PHTF2: variants seen among roughly 807,000 people sequenced by gnomAD.
The protein encoded by PHTF2 is putative homeodomain transcription factor 2, also known as protein PHTF2.
Under a neutral mutation model 101.2 loss-of-function variants are expected in PHTF2, and 60 were observed. The observed-to-expected ratio is 0.59, with a 90% CI of 0.48 to 0.73. PHTF2 has a LOEUF of 0.73. Ranked by LOEUF, PHTF2 falls within the 30% of genes least tolerant of loss-of-function variation. The probability of loss-of-function intolerance (pLI) is 0.00; values close to 1 mark genes in which losing one functional copy is unlikely to be tolerated. For missense variants in PHTF2, 747 were observed against 908.7 expected (o/e 0.82, Z 2.29); for synonymous variants, 311 against 307.3 (o/e 1.01, Z -0.13).
chr7:77,912,844 C>T (rs780616407), intron 9 of PHTF2, among the ~76,000 whole-genome samples: 2 of 148,914 alleles, frequency 1.3e-5, no homozygotes, highest in Non-Finnish European at 3.0e-5. Context: ...GTGATTCTCC[C>T]ACTTCAGACT....
rs77224080 is a variant in PHTF2, at chr7:77,818,985, C to T, written c.-36+20014C>T. On this transcript the variant is annotated intron_variant, in intron 1 of 19. Transcript: ENST00000416283. ...TTGTTTAAATTTATTCCTAGGTATTCTTTTGTTGTTGCTGTAGTAAATAAG... is the reference window on the plus strand; with the variant it reads ...TTGTTTAAATTTATTCCTAGGTATTTTTTTGTTGTTGCTGTAGTAAATAAG... Among the ~76,000 whole-genome samples, 524 of 152,042 alleles carry T rather than the reference C, an allele frequency of 3.4e-3. 3 individuals are homozygous for T. Among genetic ancestry groups the T allele is most frequent in the African/African-American group, 0.012 (501 of 41,486 alleles).
intron 13 of PHTF2, 69 bp downstream of exon 12, chr7:77,937,907 G>T (rs1805290732): frequency 1.4e-6 from 1 of 717,464 alleles, no homozygotes; most frequent in Non-Finnish European, 2.0e-6. Context: ...GATAATTACT[G>T]GAATATTATA....
At chr7:77,867,746 T>C (rs773385818) in intron 3 of PHTF2, among the ~76,000 whole-genome samples, 9 of 152,304 alleles carry the variant, frequency 5.9e-5, no homozygotes, top group Non-Finnish European at 1.0e-4. Context: ...CAAGAGTATG[T>C]GAGAGCTTTC....
chr7:77,810,830 A>G (rs1194491928), intron 1 of PHTF2, among the ~76,000 whole-genome samples: 1 of 151,866 alleles, frequency 6.6e-6, no homozygotes, highest in East Asian at 1.9e-4. Flanking sequence ...GAGCCACCCC[A>G]CCCAGCTGAA....
At chr7:77,823,378 ACC>A (rs1794460595) in intron 1 of PHTF2, among the ~76,000 whole-genome samples, 2 of 149,344 alleles carry the variant, frequency 1.3e-5, no homozygotes, top group African/African-American at 5.0e-5. Context: ...ACGCCACCAC[ACC>A]CAGCTAATTT....
At chr7:77,858,993 G>A (rs1276869328) in intron 3 of PHTF2, among the ~76,000 whole-genome samples, 1 of 152,190 alleles carries the variant, frequency 6.6e-6, no homozygotes, top group Non-Finnish European at 1.5e-5. Flanking sequence ...TCCTTCTGGA[G>A]AGAGACTGTG....
intron 2 of PHTF2, among the ~76,000 whole-genome samples, chr7:77,844,352 G>T (rs563778128): frequency 3.7e-4 from 56 of 152,128 alleles, no homozygotes; most frequent in Non-Finnish European, 6.9e-4. Flanking sequence ...TTATATTTAT[G>T]ATTTGAATAC....
intron 1 of PHTF2, among the ~76,000 whole-genome samples, chr7:77,835,859 C>T (rs1323535615): frequency 6.6e-6 from 1 of 152,126 alleles, no homozygotes; most frequent in East Asian, 1.9e-4. Context: ...GTGGCTCACA[C>T]CTGTAATACC....
intron 1 of PHTF2, among the ~76,000 whole-genome samples, chr7:77,821,209 T>C (rs903591359): frequency 6.6e-6 from 1 of 152,218 alleles, no homozygotes; most frequent in Non-Finnish European, 1.5e-5. Context: ...AAATCTGTTA[T>C]TAGTCTAATG....
rs1267822165 is a variant in PHTF2, at chr7:77,908,734, GT to G, written c.446-55del. On this transcript the variant is annotated intron_variant, in intron 7 of 19. Coordinates refer to ENST00000416283, the Ensembl canonical transcript of PHTF2. ...AAATAATGTAAAAACAATTTTAAAAGTTTTGAAGAGGTGACTATCAGATCTA... is the reference window on the plus strand; with the variant it reads ...AAATAATGTAAAAACAATTTTAAAAGTTTGAAGAGGTGACTATCAGATCTA... 2.7e-6 allele frequency: 3 copies of G among 1,101,154 alleles called. No individual in the cohort carries two copies. In the African/African-American group the frequency reaches 4.9e-5, roughly 18 times the overall value. 68.2% of individuals were successfully genotyped at this position (1,101,154 alleles called of 1,614,324 possible).
chr7:77,854,014 T>C (rs73375821), intron 2 of PHTF2, among the ~76,000 whole-genome samples: 6,074 of 152,242 alleles, frequency 0.04, 410 homozygotes, highest in African/African-American at 0.14. Flanking sequence ...TCATTGATGT[T>C]TGGACATTGA....
intron 14 of PHTF2, 101 bp from the exon 14 acceptor site, chr7:77,940,427 T>C (rs1805547102): frequency 7.7e-7 from 1 of 1,298,520 alleles, no homozygotes; most frequent in Admixed American, 2.5e-5. Context: ...TTTGCTTTTA[T>C]AGTACCTAAC....
chr7:77,939,110 A>C (rs1277910891), intron 13 of PHTF2, among the ~76,000 whole-genome samples: 2 of 152,194 alleles, frequency 1.3e-5, no homozygotes, highest in East Asian at 3.8e-4. Flanking sequence ...AGTTGGCTAC[A>C]TGATAGTTAA....
At chr7:77,925,681 T>C (rs1220294096) in intron 11 of PHTF2, among the ~76,000 whole-genome samples, 3 of 151,732 alleles carry the variant, frequency 2.0e-5, no homozygotes, top group African/African-American at 7.3e-5. Context: ...GCTAGGCTGG[T>C]CTTGATGCAC....
chr7:77,923,672 G>T (rs1034977570), intron 11 of PHTF2: 48 of 985,300 alleles, frequency 4.9e-5, no homozygotes, highest in Admixed American at 6.1e-5. Context: ...TTGATGTAGT[G>T]TTTCTTGTTC....
intron 15 of PHTF2, among the ~76,000 whole-genome samples, chr7:77,941,832 A>T (rs1805663006): frequency 6.6e-6 from 1 of 152,144 alleles, no homozygotes; most frequent in Non-Finnish European, 1.5e-5. Context: ...ACCAGTGATC[A>T]TTTAAAAATG....
chr7:77,845,120 G>A (rs1285314841), intron 2 of PHTF2, among the ~76,000 whole-genome samples: 1 of 152,268 alleles, frequency 6.6e-6, no homozygotes, highest in Non-Finnish European at 1.5e-5. Context: ...AGGGAATGGA[G>A]TTACTTATCT....
chr7:77,861,590 A>G (rs192061011), intron 3 of PHTF2, among the ~76,000 whole-genome samples: 2 of 152,156 alleles, frequency 1.3e-5, no homozygotes, highest in African/African-American at 2.4e-5. Context: ...TTCTCAGTTT[A>G]GCCTTATCTT....
At chr7:77,942,389 G>A (rs1460165193) in intron 15 of PHTF2, among the ~76,000 whole-genome samples, 1 of 152,200 alleles carries the variant, frequency 6.6e-6, no homozygotes, top group Non-Finnish European at 1.5e-5. Context: ...AGTATCTAGT[G>A]CTAAGCAGGT....
Sources: allele counts gnomAD v4.1 joint callset (sites outside exome capture counted in the v4.1 genomes callset), GRCh38; gene constraint gnomAD v4.1.1; transcripts MANE v1.5; gene names NCBI Gene and HGNC (gene_info 2026-07-23, HGNC 2026-07-21).